NRCAM: variants seen among roughly 807,000 people sequenced by gnomAD.
NRCAM encodes NgCAM-related cell adhesion molecule.
In NRCAM, 83 loss-of-function variants were observed where a neutral mutation model predicts 156.5. That is an observed-to-expected ratio of 0.53 (90% confidence interval 0.44 to 0.64). The LOEUF (loss-of-function observed/expected upper bound fraction) is 0.64, where lower values mean the gene tolerates loss of function less well. Ranked by LOEUF, NRCAM falls within the 30% of genes least tolerant of loss-of-function variation. The pLI is 0.00. For synonymous variants in NRCAM, 538 were observed against 563.9 expected (o/e 0.95, Z 0.65); for missense variants, 1,417 against 1,597.3 (o/e 0.89, Z 1.92).
intron 3 of NRCAM, among the ~76,000 whole-genome samples, chr7:108,282,615 A>G (rs2097903534): frequency 6.6e-6 from 1 of 152,206 alleles, no homozygotes; most frequent in African/African-American, 2.4e-5. Flanking sequence ...CAACTGGCCA[A>G]AGCAACCCAT....
chr7:108,432,490 C>G (rs1214277097), intron 1 of NRCAM, among the ~76,000 whole-genome samples: 1 of 152,172 alleles, frequency 6.6e-6, no homozygotes, highest in East Asian at 1.9e-4. Flanking sequence ...TATAAAAAAC[C>G]CAGTAAATGG....
Position 108,149,189 on chromosome 7 carries a change from T to C in NRCAM, c.*721A>G, listed in dbSNP as rs538032065. 5.9e-5 allele frequency: 9 copies of C among 152,758 alleles called. No homozygotes were observed. The South Asian group carries it at 1.9e-3, about 32-fold the overall frequency. The allele number at this position is 152,758 out of a possible 1,614,324, so 9.5% of individuals were successfully genotyped here. A position where few individuals can be genotyped will look rare whatever the true frequency, so the allele number is the denominator to read the frequency against. On this transcript the variant is annotated 3_prime_UTR_variant, in exon 33 of 33. Coordinates refer to ENST00000379028, the MANE Select transcript of NRCAM (RefSeq NM_001037132.4). The stretch of plus-strand genomic sequence containing the variant: ...ATGCCGAAATGCACTGCAATACACA[T>C]TGTTTATGCCTAAAAACAACCGAAC...
At chr7:108,245,469 T>C (rs1223360430) in intron 3 of NRCAM, among the ~76,000 whole-genome samples, 1 of 152,214 alleles carries the variant, frequency 6.6e-6, no homozygotes, top group African/African-American at 2.4e-5. Flanking sequence ...ATGCGGGCCC[T>C]GGCCTTCTAA....
In NRCAM at chr7:108,365,276, A is replaced by T. The variant is rs1435973831; in HGVS notation, c.-174+34160T>A. Among the ~76,000 whole-genome samples, 3 of 152,292 alleles carry T rather than the reference A, an allele frequency of 2.0e-5. No homozygotes were observed. In the South Asian group the frequency reaches 6.2e-4, roughly 32 times the overall value. On this transcript the variant is annotated intron_variant, in intron 2 of 32. Transcript: ENST00000379028. The stretch of plus-strand genomic sequence containing the variant: ...TTAAACCCAAGCTGACTTATTCCAA[A>T]GCTAGCTCTAAACCATTACATTTTA...
rs938619763 is a variant in NRCAM at position 108,275,911 on chromosome 7, C to A, written c.-106-35741G>T. Among the ~76,000 whole-genome samples the A allele has an allele frequency of 4.6e-5, 7 of 152,186 alleles. No homozygotes were observed. In the East Asian group the frequency reaches 1.4e-3, roughly 29 times the overall value. On this transcript the variant is annotated intron_variant, in intron 3 of 32. Transcript: ENST00000379028. Reference sequence around the variant, plus strand: ...CCTCTACACACTGCTTTAAATGTGTCCCAGAGATTCTGGTACATCGTGTCT... The same window carrying A: ...CCTCTACACACTGCTTTAAATGTGTACCAGAGATTCTGGTACATCGTGTCT...
intron 15 of NRCAM, 109 bp downstream of exon 15, chr7:108,195,652 G>A (rs916857525): frequency 5.9e-6 from 4 of 673,874 alleles, no homozygotes; most frequent in Admixed American, 5.2e-5. Flanking sequence ...GTAATGGATT[G>A]TGTGGTGCCT....
At position 108,175,186 on chromosome 7, in the gene NRCAM, G is replaced by A. The variant is rs2060015900; in HGVS notation, c.3187+136C>T. 3 of 653,100 alleles carry A rather than the reference G, an allele frequency of 4.6e-6. No individual in the cohort carries two copies. The Admixed American group carries it at 1.1e-4, about 25-fold the overall frequency. The allele number at this position is 653,100 out of a possible 1,614,324, so 40.5% of individuals were successfully genotyped here. A position where few individuals can be genotyped will look rare whatever the true frequency, so the allele number is the denominator to read the frequency against. ...GAAAGGACTAGAAATTAATTTTAAA[G>A]CCAAGATTGGATGAGATCTTCTCTT... is the stretch of plus-strand genomic sequence containing the variant. On this transcript the variant is annotated intron_variant, in intron 28 of 32. Transcript: ENST00000379028.
At chr7:108,250,428 A>C in intron 3 of NRCAM, among the ~76,000 whole-genome samples, 1 of 71,664 alleles carries the variant, frequency 1.4e-5, no homozygotes, top group Non-Finnish European at 2.9e-5. Flanking sequence ...CTTACCTCAA[A>C]AAAAAAAAAA....
chr7:108,210,503 C>T (rs1468773766), intron 11 of NRCAM, among the ~76,000 whole-genome samples: 1 of 152,116 alleles, frequency 6.6e-6, no homozygotes, highest in African/African-American at 2.4e-5. Context: ...GCCTCAGCCT[C>T]CCAAAGTGCT....
chr7:108,321,955 C>T (rs1288101824), intron 2 of NRCAM, among the ~76,000 whole-genome samples: 1 of 152,124 alleles, frequency 6.6e-6, no homozygotes, highest in African/African-American at 2.4e-5. Context: ...TATAGTAAAG[C>T]AGATTCAGGA....
Position 108,416,359 on chromosome 7 carries a change from A to G in NRCAM, c.-331-16766T>C, listed in dbSNP as rs568776566. Among the ~76,000 whole-genome samples the G allele has an allele frequency of 3.9e-5, 6 of 152,330 alleles. No homozygotes were observed. In the East Asian group the frequency reaches 9.6e-4, roughly 24 times the overall value. On this transcript the variant is annotated intron_variant, in intron 1 of 32. Coordinates refer to ENST00000379028, the MANE Select transcript of NRCAM (RefSeq NM_001037132.4). ...TTCTAGCAAAATTGACATGGTTGAC[A>G]ACGCTAGACAGAACTGCCTCACGGG...
At chr7:108,234,964 C>T in intron 5 of NRCAM, 1 of 541,488 alleles carries the variant, frequency 1.8e-6, no homozygotes, top group Non-Finnish European at 3.4e-6. Context: ...TCAATACAAA[C>T]CTAATATTAA....
At chr7:108,337,320 A>G (rs1182650316) in intron 2 of NRCAM, among the ~76,000 whole-genome samples, 1 of 150,748 alleles carries the variant, frequency 6.6e-6, no homozygotes, top group Non-Finnish European at 1.5e-5. Context: ...TTTGTATAGG[A>G]GCTCTGTTTT....
chr7:108,429,474 G>GA lies in NRCAM; in HGVS notation c.-332+26768dup, dbSNP rs145414913. Among the ~76,000 whole-genome samples the GA allele has an allele frequency of 9.3e-3, 1,421 of 152,334 alleles. 14 individuals carry two copies. The highest frequency in any genetic ancestry group is 0.032 in the African/African-American group (1,338 of 41,570). ...CCCAAACTGTTGGGATTACAGGCAT[G>GA]AGCCATTGCGCCCAGCCCGGATGTT... On this transcript the variant is annotated intron_variant, in intron 1 of 32. Coordinates refer to ENST00000379028, the MANE Select transcript of NRCAM (RefSeq NM_001037132.4).
chr7:108,195,289 G>A (rs575790982), intron 15 of NRCAM, among the ~76,000 whole-genome samples: 1 of 152,304 alleles, frequency 6.6e-6, no homozygotes, highest in East Asian at 1.9e-4. Flanking sequence ...CACAGAGCCA[G>A]TAGTTAATAA....
At chr7:108,324,831 T>C (rs2099047168) in intron 2 of NRCAM, among the ~76,000 whole-genome samples, 1 of 150,362 alleles carries the variant, frequency 6.7e-6, no homozygotes, top group East Asian at 2.0e-4. Context: ...ACCAAAGAAA[T>C]GCTCACTGAC....
chr7:108,222,467 G>C (rs1267316731), intron 11 of NRCAM, among the ~76,000 whole-genome samples: 1 of 152,150 alleles, frequency 6.6e-6, no homozygotes, highest in Non-Finnish European at 1.5e-5. Flanking sequence ...TAAATTGTGA[G>C]AATAGATACC....
intron 3 of NRCAM, among the ~76,000 whole-genome samples, chr7:108,252,202 A>C (rs116894560): frequency 2.0e-5 from 3 of 152,116 alleles, no homozygotes; most frequent in Non-Finnish European, 4.4e-5. Context: ...GAATGGGGAG[A>C]ATAAATGGCT....
chr7:108,252,718 ATAAATTGG>A (rs1403883239), intron 3 of NRCAM, among the ~76,000 whole-genome samples: 25 of 152,364 alleles, frequency 1.6e-4, no homozygotes, highest in African/African-American at 5.8e-4. Context: ...TACAGATTTT[ATAAATTGG>A]ACTAAGCCAT....
Sources: allele counts gnomAD v4.1 joint callset (sites outside exome capture counted in the v4.1 genomes callset), GRCh38; gene constraint gnomAD v4.1.1; transcripts MANE v1.5; gene names NCBI Gene and HGNC (gene_info 2026-07-23, HGNC 2026-07-21).